Variants in KAZN observed in about 807,000 individuals in gnomAD.
KAZN encodes the protein kazrin, periplakin interacting protein, also known as kazrin.
In KAZN, 40 loss-of-function variants were observed where a neutral mutation model predicts 87.4. The observed-to-expected ratio is 0.46, with a 90% confidence interval of 0.36 to 0.60. The LOEUF (loss-of-function observed/expected upper bound fraction) is 0.60. KAZN is among the 20% of genes least tolerant of loss of function. The probability of loss-of-function intolerance (pLI) is 0.00; values close to 1 mark genes in which losing one functional copy is unlikely to be tolerated. For missense variants in KAZN, 898 were observed against 1,073.9 expected (o/e 0.84, Z 2.29); for synonymous variants, 466 against 458.3 (o/e 1.02, Z -0.22).
rs532091851 is a variant in KAZN at position 13,955,912 on chromosome 1, G to A, written c.91+62156G>A. On this transcript the variant is annotated intron_variant, in intron 1 of 16. Transcript: ENST00000636203. ...TCTTCTCCAGAGGGTTACAGCCTGC[G>A]GCCCATGATTGTAGAGTCACGCCAG... Among the ~76,000 whole-genome samples the A allele has an allele frequency of 9.9e-5, 15 of 152,148 alleles. No homozygotes were observed. In the South Asian group the frequency reaches 1.7e-3, roughly 17 times the overall value.
chr1:15,000,857 G>A (rs1573025507), intron 2 of KAZN, among the ~76,000 whole-genome samples: 3 of 151,750 alleles, frequency 2.0e-5, no homozygotes, highest in South Asian at 2.1e-4. Flanking sequence ...TAATCCCAAC[G>A]CTTTGGGAGG....
rs70997121 is a variant in KAZN, at chr1:14,205,884, C to CAAAAAAAAAAAAAAAAAAAAAAA, written c.249+25314_249+25315insAAAAAAAAAAAAAAAAAAAAAAA. ...CAGGCGACAGAGCAAGACACTGTCTCAAAAAAAAAAAAAAAAAAAAAAGCT... is the reference window on the plus strand; with the variant it reads ...CAGGCGACAGAGCAAGACACTGTCTCAAAAAAAAAAAAAAAAAAAAAAAAAAAAAAAAAAAAAAAAAAAAAGCT... On this transcript the variant is annotated intron_variant, in intron 2 of 16. Transcript: ENST00000636203. 4.8e-4 allele frequency among the ~76,000 whole-genome samples: 17 copies of CAAAAAAAAAAAAAAAAAAAAAAA among 35,212 alleles called. 5 individuals are homozygous for CAAAAAAAAAAAAAAAAAAAAAAA. The highest frequency in any genetic ancestry group is 6.1e-4 in the Admixed American group (1 of 1,638). 23.1% of individuals were successfully genotyped at this position (35,212 alleles called of 152,430 possible).
intron 1 of KAZN, among the ~76,000 whole-genome samples, chr1:14,656,139 C>T (rs184250702): frequency 2.6e-5 from 4 of 152,198 alleles, no homozygotes; most frequent in Admixed American, 2.6e-4. Flanking sequence ...GATGACCACT[C>T]CCAGATTCCC....
At chr1:15,037,861 C>T (rs1672496837) in intron 3 of KAZN, among the ~76,000 whole-genome samples, 1 of 152,116 alleles carries the variant, frequency 6.6e-6, no homozygotes, top group South Asian at 2.1e-4. Context: ...CAGACAAGTC[C>T]TTCTGGGAGG....
chr1:15,091,121 C>G (rs1004949506), intron 8 of KAZN, among the ~76,000 whole-genome samples: 2 of 152,110 alleles, frequency 1.3e-5, no homozygotes, highest in African/African-American at 2.4e-5. Flanking sequence ...CACACTCACA[C>G]GGGCACATTC....
intron 1 of KAZN, among the ~76,000 whole-genome samples, chr1:13,905,150 C>T (rs1639390914): frequency 6.6e-6 from 1 of 152,096 alleles, no homozygotes; most frequent in African/African-American, 2.4e-5. Flanking sequence ...TGCTCTTGAT[C>T]ATATGTTTTA....
chr1:14,787,000 A>T (rs1398429925), intron 1 of KAZN, among the ~76,000 whole-genome samples: 1 of 152,198 alleles, frequency 6.6e-6, no homozygotes, highest in Admixed American at 6.5e-5. Flanking sequence ...CCAACTCTTG[A>T]CACCAAACAT....
At position 15,044,197 on chromosome 1, in the gene KAZN, C is replaced by T. The variant is rs368115562; in HGVS notation, c.726+38C>T. 100 of 1,420,026 alleles carry T rather than the reference C, an allele frequency of 7.0e-5. No individual in the cohort carries two copies. In the African/African-American group the frequency reaches 1.3e-3, roughly 19 times the overall value. The allele number at this position is 1,420,026 out of a possible 1,614,324, so 88.0% of individuals were successfully genotyped here. A position where few individuals can be genotyped will look rare whatever the true frequency, so the allele number is the denominator to read the frequency against. ...CCCACCCAGGTGGGCCTGGCATCTG[C>T]TAGCAGTGCCGTGCTGGGAGCCGGG... On this transcript the variant is annotated intron_variant, in intron 4 of 14. Transcript: ENST00000376030.
intron 2 of KAZN, among the ~76,000 whole-genome samples, chr1:14,324,290 G>A (rs1264131597): frequency 1.3e-5 from 2 of 152,136 alleles, no homozygotes; most frequent in African/African-American, 4.8e-5. Flanking sequence ...ACCTAAATGA[G>A]GTCCCAATTT....
rs143142499 is a variant in KAZN, at chr1:14,947,497, G to A, written c.227-13187G>A. On this transcript the variant is annotated intron_variant, in intron 1 of 14. Coordinates refer to ENST00000376030, the MANE Select transcript of KAZN (RefSeq NM_201628.3). ...CTCAAAGACCCAGTTTCAACGCTGT[G>A]CCCAATTTCAACTCTGTGTCCACCT... is the stretch of plus-strand genomic sequence containing the variant. Among the ~76,000 whole-genome samples, 853 of 152,322 alleles carry A rather than the reference G, an allele frequency of 5.6e-3. 4 individuals carry two copies. Among genetic ancestry groups the A allele is most frequent in the South Asian group, 0.012 (60 of 4,832 alleles).
intron 2 of KAZN, among the ~76,000 whole-genome samples, chr1:14,245,191 C>T (rs771637920): frequency 3.9e-5 from 6 of 152,052 alleles, no homozygotes; most frequent in Admixed American, 6.6e-5. Context: ...TCTTGAACTC[C>T]GGACCTCAAG....
At chr1:14,710,803 G>A (rs1017476655) in intron 1 of KAZN, among the ~76,000 whole-genome samples, 17 of 152,290 alleles carry the variant, frequency 1.1e-4, no homozygotes, top group Admixed American at 2.6e-4. Flanking sequence ...AAAGTTCTGG[G>A]ACAGCGAGGT....
chr1:14,681,336 G>A (rs1265219540), intron 1 of KAZN, among the ~76,000 whole-genome samples: 1 of 152,056 alleles, frequency 6.6e-6, no homozygotes, highest in African/African-American at 2.4e-5. Flanking sequence ...ATGGACATTT[G>A]TGTTCAAGTC....
chr1:14,411,653 A>G (rs1206969608), intron 2 of KAZN, among the ~76,000 whole-genome samples: 2 of 152,238 alleles, frequency 1.3e-5, no homozygotes, highest in African/African-American at 2.4e-5. Context: ...TGCTTCTAAA[A>G]GTTACATGCA....
At chr1:14,039,726 G>T (rs113918292) in intron 1 of KAZN, among the ~76,000 whole-genome samples, 2,320 of 152,250 alleles carry the variant, frequency 0.015, 24 homozygotes, top group African/African-American at 0.025. Context: ...TTGTAGTGTT[G>T]CATCCTTGGA....
intron 1 of KAZN, among the ~76,000 whole-genome samples, chr1:14,625,550 C>T (rs1679072306): frequency 6.6e-6 from 1 of 152,124 alleles, no homozygotes; most frequent in African/African-American, 2.4e-5. Context: ...TAAAAGATTT[C>T]CAGTCATATT....
At chr1:14,461,588 G>T (rs1335882081) in intron 2 of KAZN, among the ~76,000 whole-genome samples, 1 of 152,126 alleles carries the variant, frequency 6.6e-6, no homozygotes, top group Non-Finnish European at 1.5e-5. Context: ...CTAATACAGA[G>T]GGATAAGACA....
chr1:14,780,338 C>T (rs185935672), intron 1 of KAZN, among the ~76,000 whole-genome samples: 7 of 152,310 alleles, frequency 4.6e-5, no homozygotes, highest in Non-Finnish European at 5.9e-5. Flanking sequence ...TAGCGCATCT[C>T]TCTAGCAGGC....
chr1:14,939,565 G>A (rs913037449), intron 1 of KAZN, among the ~76,000 whole-genome samples: 7 of 152,142 alleles, frequency 4.6e-5, no homozygotes, highest in African/African-American at 9.7e-5. Context: ...TGAGCCTCTC[G>A]CCTGGCCAGT....
Sources: gnomAD v4.1 joint callset for allele counts (sites outside exome capture counted in the v4.1 genomes callset) on GRCh38, gnomAD v4.1.1 for gene constraint, MANE v1.5 for transcripts, NCBI Gene and HGNC (gene_info 2026-07-23, HGNC 2026-07-21) for gene names.